The following CDC14A variants were observed in gnomAD, a reference collection of about 807,000 sequenced individuals.
CDC14A encodes dual specificity protein phosphatase CDC14A.
In CDC14A, 53 loss-of-function variants were observed where a neutral mutation model predicts 74.4. That is an observed-to-expected ratio of 0.71 (90% CI 0.57 to 0.89). The LOEUF (loss-of-function observed/expected upper bound fraction) is 0.89. CDC14A is among the 40% of genes least tolerant of loss of function. CDC14A has a pLI of 0.00. For synonymous variants in CDC14A, 247 were observed against 258.4 expected (o/e 0.96, Z 0.43); for missense variants, 646 against 713.7 (o/e 0.91, Z 1.08).
chr1:100,440,608 G>T (rs1361474323), intron 6 of CDC14A, among the ~76,000 whole-genome samples: 1 of 152,054 alleles, frequency 6.6e-6, no homozygotes, highest in African/African-American at 2.4e-5. Context: ...TCTAATGAGG[G>T]CTCAAAGTAC....
At chr1:100,349,284 T>G (rs919088552), upstream of CDC14A, among the ~76,000 whole-genome samples, 1 of 152,264 alleles carries the variant, frequency 6.6e-6, no homozygotes, top group African/African-American at 2.4e-5. Context: ...CTTCCTTTTG[T>G]GCAGTTGAGC....
intron 9 of CDC14A, among the ~76,000 whole-genome samples, chr1:100,466,176 C>A (rs1365077188): frequency 6.6e-6 from 1 of 151,838 alleles, no homozygotes; most frequent in Admixed American, 6.6e-5. Flanking sequence ...AGGGAGCCAT[C>A]CAGGTCTTTG....
intron 3 of CDC14A, among the ~76,000 whole-genome samples, chr1:100,378,009 T>G (rs1655526605): frequency 6.7e-6 from 1 of 148,912 alleles, no homozygotes; most frequent in African/African-American, 2.6e-5. Context: ...GCTGGAGCTG[T>G]GTGCATAACA....
chr1:100,477,252 A>G (rs897413979), intron 10 of CDC14A, among the ~76,000 whole-genome samples: 2 of 152,164 alleles, frequency 1.3e-5, no homozygotes, highest in African/African-American at 4.8e-5. Flanking sequence ...TAGGAAATTA[A>G]TACATCTGCT....
Position 100,415,039 on chromosome 1 carries a change from C to T in CDC14A, c.310-9183C>T, listed in dbSNP as rs538986176. On this transcript the variant is annotated intron_variant, in intron 4 of 15. Transcript: ENST00000336454. ...GAAGCATTGTGTCACTGAGACAATG[C>T]TAGCAAGAGATGTGCATTTGTGCTG... Among the ~76,000 whole-genome samples, 8 of 152,236 alleles carry T rather than the reference C, an allele frequency of 5.3e-5. No homozygotes were observed. The South Asian group carries it at 1.7e-3, about 32-fold the overall frequency.
At chr1:100,374,921 A>G (rs905633075) in intron 2 of CDC14A, among the ~76,000 whole-genome samples, 4 of 152,376 alleles carry the variant, frequency 2.6e-5, no homozygotes, top group Non-Finnish European at 4.4e-5. Flanking sequence ...CCTGTAGGAC[A>G]TTCTTCTAAT....
chr1:100,484,736 T>C, intron 11 of CDC14A: 1 of 1,018,874 alleles, frequency 9.8e-7, no homozygotes, highest in Non-Finnish European at 1.2e-6. Flanking sequence ...ATTTGAAAAT[T>C]AAAATAAATA....
intron 4 of CDC14A, among the ~76,000 whole-genome samples, chr1:100,414,977 G>A (rs1298709386): frequency 6.6e-6 from 1 of 152,106 alleles, no homozygotes; most frequent in Non-Finnish European, 1.5e-5. Flanking sequence ...GCTCAGTGAG[G>A]TCTATGCTGG....
chr1:100,458,443 A>T (rs1388438274), intron 8 of CDC14A, among the ~76,000 whole-genome samples: 3 of 152,238 alleles, frequency 2.0e-5, no homozygotes, highest in Non-Finnish European at 2.9e-5. Flanking sequence ...GACATAAAAA[A>T]ATCTGAAAGT....
chr1:100,468,133 C>T, intron 10 of CDC14A, 39 bp downstream of exon 10: 1 of 1,609,766 alleles, frequency 6.2e-7, no homozygotes, highest in African/African-American at 1.3e-5. Flanking sequence ...ATATCCTGTT[C>T]TTGATCCTTT....
intron 3 of CDC14A, among the ~76,000 whole-genome samples, chr1:100,378,704 T>C (rs1348948391): frequency 6.6e-6 from 1 of 152,174 alleles, no homozygotes; most frequent in Non-Finnish European, 1.5e-5. Flanking sequence ...GCAAAAGCAA[T>C]TGTGGTTTTT....
At chr1:100,492,433 C>T (rs1056681887) in intron 11 of CDC14A, among the ~76,000 whole-genome samples, 32 of 152,086 alleles carry the variant, frequency 2.1e-4, no homozygotes, top group Admixed American at 2.0e-4. Context: ...GCTTATGTTG[C>T]TGTTTTTTAA....
chr1:100,410,345 G>A (rs1206417610), intron 4 of CDC14A, among the ~76,000 whole-genome samples: 4 of 151,868 alleles, frequency 2.6e-5, no homozygotes, highest in African/African-American at 7.3e-5. Context: ...TTTCCAAGAC[G>A]GAGTCTTGCT....
At chr1:100,433,457 C>T (rs555318225) in intron 5 of CDC14A, among the ~76,000 whole-genome samples, 26 of 152,298 alleles carry the variant, frequency 1.7e-4, no homozygotes, top group African/African-American at 6.3e-4. Context: ...TCCTTTCCAA[C>T]CCATTGCTCT....
intron 4 of CDC14A, among the ~76,000 whole-genome samples, chr1:100,402,726 C>T (rs1015054229): frequency 4.6e-5 from 7 of 152,158 alleles, no homozygotes; most frequent in African/African-American, 1.7e-4. Flanking sequence ...ACCCCGATCC[C>T]TAAGTTTCTA....
At chr1:100,346,336 A>G (rs1348157701) in intron 1 of CDC14A, among the ~76,000 whole-genome samples, 1 of 152,214 alleles carries the variant, frequency 6.6e-6, no homozygotes, top group Non-Finnish European at 1.5e-5. Flanking sequence ...TTCTGTAAAA[A>G]GAGTATGAAT....
intron 11 of CDC14A, chr1:100,485,289 A>C (rs183475346): frequency 0.011 from 11,134 of 985,228 alleles, 60 homozygotes; most frequent in Non-Finnish European, 0.013. Flanking sequence ...CTGGGCATTC[A>C]ATTCCTAGTT....
chr1:100,473,415 T>C (rs979847931), intron 10 of CDC14A, among the ~76,000 whole-genome samples: 4 of 152,140 alleles, frequency 2.6e-5, no homozygotes, highest in Non-Finnish European at 4.4e-5. Context: ...AGACGGTGTT[T>C]CACTCTTTTT....
At chr1:100,495,707 T>C (rs1054964213) in intron 12 of CDC14A, among the ~76,000 whole-genome samples, 2 of 152,162 alleles carry the variant, frequency 1.3e-5, no homozygotes, top group African/African-American at 4.8e-5. Flanking sequence ...GAATTTAGTT[T>C]TCATGTGTAA....
Sources: allele counts gnomAD v4.1 joint callset (sites outside exome capture counted in the v4.1 genomes callset), GRCh38; gene constraint gnomAD v4.1.1; transcripts MANE v1.5; gene names NCBI Gene and HGNC (gene_info 2026-07-23, HGNC 2026-07-21).